UNC80: variants seen among roughly 807,000 people sequenced by gnomAD.
The protein encoded by UNC80 is unc-80 subunit of NALCN channel complex, also known as protein unc-80 homolog.
Under a neutral mutation model 384.6 loss-of-function variants are expected in UNC80, and 164 were observed. The observed-to-expected ratio is 0.43, with a 90% CI of 0.38 to 0.49. The LOEUF (loss-of-function observed/expected upper bound fraction) is 0.49. UNC80 is among the 20% of genes least tolerant of loss of function. UNC80 has a pLI of 0.00. For missense variants in UNC80, 3,330 were observed against 4,143.0 expected (o/e 0.80, Z 5.39); for synonymous variants, 1,486 against 1,527.8 (o/e 0.97, Z 0.64).
At chr2:209,843,140 G>T (rs1203220990) in intron 21 of UNC80, among the ~76,000 whole-genome samples, 1 of 152,066 alleles carries the variant, frequency 6.6e-6, no homozygotes, top group East Asian at 1.9e-4. Flanking sequence ...TCACCATTCT[G>T]ATTCCTTTTT....
At chr2:209,959,330 G>T (rs1245627705) in intron 50 of UNC80, among the ~76,000 whole-genome samples, 159 bp from the exon 51 acceptor site, 1 of 152,178 alleles carries the variant, frequency 6.6e-6, no homozygotes, top group Non-Finnish European at 1.5e-5. Flanking sequence ...AGGCTGCTAA[G>T]CTTTCTTTAT....
intron 2 of UNC80, among the ~76,000 whole-genome samples, chr2:209,773,663 T>A (rs1407075364): frequency 1.3e-5 from 2 of 152,154 alleles, no homozygotes; most frequent in Non-Finnish European, 2.9e-5. Flanking sequence ...CCAGGTGGTG[T>A]AGGGTGTTTT....
At chr2:209,878,833 T>G (rs1164430177) in intron 24 of UNC80, among the ~76,000 whole-genome samples, 3 of 152,176 alleles carry the variant, frequency 2.0e-5, no homozygotes, top group African/African-American at 7.2e-5. Context: ...CATAGTGAGA[T>G]CTCTTCCTCC....
chr2:209,943,525 T>C lies in UNC80; in HGVS notation c.7050+11T>C. On this transcript the variant is annotated intron_variant, in intron 45 of 64. Coordinates refer to ENST00000673920, the MANE Select transcript of UNC80 (RefSeq NM_001371986.1). ...CTCCTGGAATTTCCTGTAAGTAAGC[T>C]CTGTGGGAAAAAAAAATGAAGACCA... is the stretch of plus-strand genomic sequence containing the variant. 1 of 1,549,192 alleles carries C rather than the reference T, an allele frequency of 6.5e-7. No individual in the cohort carries two copies. The highest frequency in any genetic ancestry group is 8.7e-7 in the Non-Finnish European group (1 of 1,146,294).
At chr2:209,931,795 G>A (rs753869068) in intron 38 of UNC80, among the ~76,000 whole-genome samples, 2 of 152,066 alleles carry the variant, frequency 1.3e-5, no homozygotes, top group Non-Finnish European at 2.9e-5. Flanking sequence ...TCTTTCTTCC[G>A]AGTGCCTACT....
chr2:209,870,562 G>T (rs1490968963), intron 22 of UNC80, among the ~76,000 whole-genome samples: 1 of 152,056 alleles, frequency 6.6e-6, no homozygotes, highest in Non-Finnish European at 1.5e-5. Context: ...TCCACCTTTT[G>T]TTAAGGATAG....
chr2:209,821,279 G>A (rs1350606179), intron 13 of UNC80, among the ~76,000 whole-genome samples: 1 of 151,966 alleles, frequency 6.6e-6, no homozygotes, highest in East Asian at 1.9e-4. Flanking sequence ...CTTCTTATAT[G>A]GGCCCAATCC....
chr2:209,874,236 G>A (rs2084570156), intron 23 of UNC80, among the ~76,000 whole-genome samples: 1 of 152,238 alleles, frequency 6.6e-6, no homozygotes, highest in Non-Finnish European at 1.5e-5. Context: ...CAGTGTCAAT[G>A]AAATGCATAT....
chr2:209,943,592 TG>T, intron 45 of UNC80, 78 bp downstream of exon 45: 1 of 1,503,400 alleles, frequency 6.7e-7, no homozygotes, highest in Non-Finnish European at 9.0e-7. Context: ...GAGCTTACTA[TG>T]GCAAGGGAGT....
chr2:209,866,489 C>T (rs112657516), intron 22 of UNC80, among the ~76,000 whole-genome samples: 1,344 of 95,322 alleles, frequency 0.014, 9 homozygotes, highest in Non-Finnish European at 0.023. Flanking sequence ...AAAATGCACC[C>T]CCACACACAC....
At chr2:209,980,424 A>G (rs1201115084) in intron 59 of UNC80, among the ~76,000 whole-genome samples, 1 of 152,198 alleles carries the variant, frequency 6.6e-6, no homozygotes, top group Non-Finnish European at 1.5e-5. Context: ...CAACACTAAC[A>G]TACTGATGAG....
chr2:209,993,925 G>T, intron 63 of UNC80, 140 bp from the exon 64 acceptor site: 1 of 710,302 alleles, frequency 1.4e-6, no homozygotes, highest in South Asian at 2.3e-5. Context: ...ATGTTCAAAC[G>T]TGCTCTCATT....
At chr2:209,986,584 T>C (rs1480211473) in intron 61 of UNC80, among the ~76,000 whole-genome samples, 1 of 152,222 alleles carries the variant, frequency 6.6e-6, no homozygotes, top group Non-Finnish European at 1.5e-5. Flanking sequence ...TAGTCAGTCA[T>C]GGTAGTACTT....
At chr2:209,936,334 G>A (rs2091243562) in intron 40 of UNC80, among the ~76,000 whole-genome samples, 1 of 152,188 alleles carries the variant, frequency 6.6e-6, no homozygotes. Context: ...ATTTTCAACA[G>A]TACTGAGATA....
intron 22 of UNC80, among the ~76,000 whole-genome samples, chr2:209,856,472 A>C (rs573490476): frequency 6.6e-6 from 1 of 152,150 alleles, no homozygotes; most frequent in East Asian, 1.9e-4. Flanking sequence ...ATTATCCTTC[A>C]TGGCTAGCAC....
chr2:209,868,856 CA>C (rs1411892447), intron 22 of UNC80, among the ~76,000 whole-genome samples: 1 of 152,094 alleles, frequency 6.6e-6, no homozygotes, highest in Non-Finnish European at 1.5e-5. Flanking sequence ...TTTGCCTTCC[CA>C]GTTAAAATCG....
Position 209,891,483 on chromosome 2 carries a change from TAA to T in UNC80, c.4277-2679_4277-2678del, listed in dbSNP as rs1413833501. ...TCAAAGTTATTATGCTAATTATATT[TAA>T]GATAGTAGATAATTCCTAATATTAC... is the stretch of plus-strand genomic sequence containing the variant. On this transcript the variant is annotated intron_variant, in intron 26 of 64. Coordinates refer to ENST00000673920, the MANE Select transcript of UNC80 (RefSeq NM_001371986.1). Among the ~76,000 whole-genome samples the T allele has an allele frequency of 3.3e-5, 5 of 152,250 alleles. No homozygotes were observed. The East Asian group carries it at 9.6e-4, about 29-fold the overall frequency.
At position 209,808,130 on chromosome 2, in the gene UNC80, C is replaced by G. The variant is rs146261767; in HGVS notation, c.939-5450C>G. ...TAGAAAATAGTTAATGCTTATGGGA[C>G]TCAACTGTACAGTTGGTAATTACTT... is the stretch of plus-strand genomic sequence containing the variant. On this transcript the variant is annotated intron_variant, in intron 7 of 64. Transcript: ENST00000673920. Among the ~76,000 whole-genome samples the G allele has an allele frequency of 4.6e-3, 707 of 152,294 alleles. 8 individuals are homozygous for G. The highest frequency in any genetic ancestry group is 0.014 in the African/African-American group (591 of 41,570).
chr2:209,870,308 T>G (rs186468828), intron 22 of UNC80, among the ~76,000 whole-genome samples: 4 of 152,300 alleles, frequency 2.6e-5, no homozygotes, highest in Admixed American at 2.6e-4. Flanking sequence ...TGACATTCTG[T>G]TTTAGAGACA....
Sources: allele counts gnomAD v4.1 joint callset (sites outside exome capture counted in the v4.1 genomes callset), GRCh38; gene constraint gnomAD v4.1.1; transcripts MANE v1.5; gene names NCBI Gene and HGNC (gene_info 2026-07-23, HGNC 2026-07-21).